The following TRDN variants were observed in gnomAD, a reference collection of about 807,000 sequenced individuals.
TRDN encodes triadin in skeletal muscle.
TRDN carries 161 observed loss-of-function variants against 149.7 expected under a neutral mutation model. The observed-to-expected ratio is 1.08, with a 90% CI of 0.95 to 1.23. The LOEUF is 1.23. TRDN is among the 50% of genes most tolerant of loss of function. TRDN has a pLI of 0.00. For synonymous variants in TRDN, 294 were observed against 250.5 expected (o/e 1.17, Z -1.64); for missense variants, 896 against 823.5 (o/e 1.09, Z -1.08).
At chr6:123,276,292 C>G (rs1777364177) in intron 26 of TRDN, among the ~76,000 whole-genome samples, 2 of 151,940 alleles carry the variant, frequency 1.3e-5, no homozygotes, top group Non-Finnish European at 2.9e-5. Flanking sequence ...AAATGAGGAA[C>G]ATGTTATTGG....
At chr6:123,537,822 A>C (rs1780627772) in intron 4 of TRDN, among the ~76,000 whole-genome samples, 1 of 152,154 alleles carries the variant, frequency 6.6e-6, no homozygotes. Context: ...GTAGTGACGT[A>C]TTTCTAAATT....
At chr6:123,544,594 A>C (rs1210041061) in intron 4 of TRDN, among the ~76,000 whole-genome samples, 1 of 152,068 alleles carries the variant, frequency 6.6e-6, no homozygotes. Context: ...ACCACTATAC[A>C]CAACAAATAA....
rs553298170 is a variant in TRDN, at chr6:123,265,005, C to T, written c.1804+313G>A. On this transcript the variant is annotated intron_variant, in intron 33 of 40. Transcript: ENST00000334268. ...GTCTGAATGAAACCTGCAATACCCC[C>T]GAGGTATGCCAGGACAATGACATCT... Among the ~76,000 whole-genome samples, 11 of 152,068 alleles carry T rather than the reference C, an allele frequency of 7.2e-5. No individual in the cohort carries two copies. In the East Asian group the frequency reaches 1.4e-3, roughly 19 times the overall value.
At chr6:123,478,640 G>C (rs1442067250) in intron 9 of TRDN, among the ~76,000 whole-genome samples, 2 of 152,052 alleles carry the variant, frequency 1.3e-5, no homozygotes, top group Admixed American at 1.3e-4. Context: ...AAAGTGGATG[G>C]ATTAAATTCT....
chr6:123,343,301 T>G (rs1485561009), intron 21 of TRDN, among the ~76,000 whole-genome samples: 2 of 151,990 alleles, frequency 1.3e-5, no homozygotes, highest in African/African-American at 2.4e-5. Context: ...TAAGATATAA[T>G]ACATTCTTTA....
chr6:123,220,512 G>C (rs1775108225), intron 40 of TRDN, among the ~76,000 whole-genome samples: 2 of 151,676 alleles, frequency 1.3e-5, no homozygotes, highest in Admixed American at 1.3e-4. Flanking sequence ...ATTACTCAAA[G>C]TATCATAAGA....
intron 12 of TRDN, among the ~76,000 whole-genome samples, chr6:123,409,725 CAG>C (rs1460859961): frequency 2.7e-5 from 4 of 149,432 alleles, no homozygotes; most frequent in African/African-American, 1.0e-4. Flanking sequence ...ACCCAAAACT[CAG>C]AGTCTAGTGA....
At chr6:123,345,077 A>T (rs1780203417) in intron 21 of TRDN, among the ~76,000 whole-genome samples, 1 of 151,520 alleles carries the variant, frequency 6.6e-6, no homozygotes, top group East Asian at 1.9e-4. Flanking sequence ...TTTTTCTTTC[A>T]TGGACTTTGT....
chr6:123,460,003 C>G (rs1776359070), intron 10 of TRDN, among the ~76,000 whole-genome samples: 1 of 152,174 alleles, frequency 6.6e-6, no homozygotes, highest in Non-Finnish European at 1.5e-5. Context: ...TAAGTTTTCC[C>G]ATGGGCAGTA....
chr6:123,395,611 G>A (rs181100698), intron 12 of TRDN, among the ~76,000 whole-genome samples: 2 of 152,028 alleles, frequency 1.3e-5, no homozygotes, highest in African/African-American at 4.8e-5. Context: ...TCATTGTCCC[G>A]CGTCCAACAC....
intron 12 of TRDN, among the ~76,000 whole-genome samples, chr6:123,420,009 G>A (rs1773831245): frequency 6.6e-6 from 1 of 152,120 alleles, no homozygotes; most frequent in Admixed American, 6.6e-5. Flanking sequence ...TTGAAACCTT[G>A]TAAACAAAAG....
At chr6:123,487,598 C>A (rs940107536) in intron 9 of TRDN, among the ~76,000 whole-genome samples, 1 of 152,040 alleles carries the variant, frequency 6.6e-6, no homozygotes, top group Non-Finnish European at 1.5e-5. Flanking sequence ...CAAAGACTTC[C>A]CTTTATGCCA....
chr6:123,528,830 C>T (rs919003631), intron 5 of TRDN: 2 of 1,002,098 alleles, frequency 2.0e-6, no homozygotes, highest in African/African-American at 3.5e-5. Context: ...TAAGCTCTCT[C>T]TGATTTCCAG....
chr6:123,251,037 T>G (rs1045390953), intron 38 of TRDN, among the ~76,000 whole-genome samples: 1 of 152,156 alleles, frequency 6.6e-6, no homozygotes, highest in Non-Finnish European at 1.5e-5. Flanking sequence ...TACCTCCTTA[T>G]GTAGTCAGCT....
intron 14 of TRDN, among the ~76,000 whole-genome samples, chr6:123,386,732 C>T (rs1381209306): frequency 6.6e-6 from 1 of 152,192 alleles, no homozygotes; most frequent in African/African-American, 2.4e-5. Flanking sequence ...TTGCTGTAGT[C>T]TGGATTAGCT....
chr6:123,590,997 TAATAA>T (rs1783752244), intron 1 of TRDN, among the ~76,000 whole-genome samples: 1 of 152,286 alleles, frequency 6.6e-6, no homozygotes, highest in East Asian at 1.9e-4. Flanking sequence ...TAAAAAATTA[TAATAA>T]AATATGTCTA....
At chr6:123,459,376 C>A (rs1345525159) in intron 10 of TRDN, among the ~76,000 whole-genome samples, 1 of 152,186 alleles carries the variant, frequency 6.6e-6, no homozygotes, top group African/African-American at 2.4e-5. Flanking sequence ...TCCTCCCAGG[C>A]TCACTGAGAA....
chr6:123,251,847 A>G (rs1345728388), intron 38 of TRDN, among the ~76,000 whole-genome samples: 3 of 152,020 alleles, frequency 2.0e-5, no homozygotes, highest in Non-Finnish European at 1.5e-5. Flanking sequence ...GGTTTATACT[A>G]TAGGAGATAC....
At chr6:123,399,889 A>G (rs1037706692) in intron 12 of TRDN, among the ~76,000 whole-genome samples, 12 of 152,112 alleles carry the variant, frequency 7.9e-5, no homozygotes, top group African/African-American at 2.9e-4. Flanking sequence ...ATTCTGACCA[A>G]CAAATTGGAA....
Sources: gnomAD v4.1 joint callset for allele counts (sites outside exome capture counted in the v4.1 genomes callset) on GRCh38, gnomAD v4.1.1 for gene constraint, MANE v1.5 for transcripts, NCBI Gene and HGNC (gene_info 2026-07-23, HGNC 2026-07-21) for gene names.